The following SAMD9 variants were observed in gnomAD, a reference collection of about 807,000 sequenced individuals.
The protein encoded by SAMD9 is sterile alpha motif domain-containing protein 9.
Under a neutral mutation model 1.5 loss-of-function variants are expected in SAMD9, and 3 were observed. The observed-to-expected ratio is 2.05, with a 90% CI of 0.93 to 5.29. SAMD9 has a LOEUF of 5.29. Among genes scored for constraint, SAMD9 ranks in the 30% most tolerant of loss-of-function variants. The pLI, the probability that SAMD9 is intolerant of heterozygous loss-of-function variation, is 0.02. For synonymous variants in SAMD9, 635 were observed against 631.9 expected, an observed-to-expected ratio of 1.00 and a Z score of -0.07; for missense variants, 1,597 against 1,820.8, an observed-to-expected ratio of 0.88 and a Z score of 2.24.
Position 93,103,001 on chromosome 7 carries a change from T to C in SAMD9, c.3097A>G (p.Thr1033Ala). Residue 1033 changes from threonine to alanine, a missense_variant, in exon 3 of 3, where the codon ACA becomes GCA. Thr to Ala is a moderately conservative substitution (Grantham distance 58). This residue lies in a region of SAMD9 where 682 missense variants were observed against 810.0 expected (regional missense o/e 0.84). Coordinates refer to ENST00000379958, the MANE Select transcript of SAMD9 (RefSeq NM_017654.4). ...TCGCGGTGTCTTGTGAGTAGGAGTG[T>C]GTGCATATCTTGCAAAAATTTACTT... is the stretch of plus-strand genomic sequence containing the variant. ...GKSKFLQDMH[T>A]LLLTRHRDEH... is the part of the protein sequence containing the mutation. 6.2e-7 allele frequency: 1 copy of C among 1,613,908 alleles called. No homozygotes were observed. Among genetic ancestry groups the C allele is most frequent in the Non-Finnish European group, 8.5e-7 (1 of 1,179,816 alleles).
intron 1 of SAMD9, among the ~76,000 whole-genome samples, chr7:93,117,470 A>G (rs924404101): frequency 1.3e-5 from 2 of 151,638 alleles, no homozygotes; most frequent in African/African-American, 4.9e-5. Context: ...GAATCTTGCT[A>G]GGTAGGGTCT....
rs1489928144 is a variant in SAMD9 at position 93,103,036 on chromosome 7, C to T, written c.3062G>A (p.Gly1021Asp). ...TTGCAAAAATTTACTTTTTCCCATACCAGTATCGAAGAACAAATTCTCAGT... is the reference window on the plus strand; with the variant it reads ...TTGCAAAAATTTACTTTTTCCCATATCAGTATCGAAGAACAAATTCTCAGT... ...MLTENLFFDT[G>D]MGKSKFLQDM... The change falls in exon 3 of 3, where the codon GGT becomes GAT. Residue 1021 changes from glycine (G) to aspartate (D), a missense_variant. By Grantham distance (94) the Gly-to-Asp change is moderately conservative. This residue lies in a region of SAMD9 where 682 missense variants were observed against 810.0 expected (regional missense o/e 0.84). Coordinates refer to ENST00000379958, the MANE Select transcript of SAMD9 (RefSeq NM_017654.4). 6.2e-7 allele frequency: 1 copy of T among 1,613,806 alleles called. No homozygotes were observed.
intron 1 of SAMD9, among the ~76,000 whole-genome samples, chr7:93,116,466 C>T (rs1239335556): frequency 6.6e-6 from 1 of 152,296 alleles, no homozygotes; most frequent in Non-Finnish European, 1.5e-5. Flanking sequence ...TTTCACACTT[C>T]TTCCCCTAAA....
chr7:93,113,388 G>A lies in SAMD9; in HGVS notation c.-9+1407C>T, dbSNP rs1029853927. 2.0e-5 allele frequency among the ~76,000 whole-genome samples: 3 copies of A among 152,250 alleles called. No homozygotes were observed. The East Asian group carries it at 5.8e-4, about 29-fold the overall frequency. ...CTAGGCAATACCATTCAGGACATAGGCATGGGCAAGGACTTCATGACTAAA... is the reference window on the plus strand; with the variant it reads ...CTAGGCAATACCATTCAGGACATAGACATGGGCAAGGACTTCATGACTAAA... On this transcript the variant is annotated intron_variant, in intron 2 of 2. Coordinates refer to ENST00000379958, the MANE Select transcript of SAMD9 (RefSeq NM_017654.4).
intron 2 of SAMD9, among the ~76,000 whole-genome samples, chr7:93,109,984 C>A (rs1285498788): frequency 2.0e-5 from 3 of 152,084 alleles, no homozygotes; most frequent in African/African-American, 2.4e-5. Flanking sequence ...TCGGGGAGAG[C>A]AACTCCAAGA....
Position 93,103,101 on chromosome 7 carries a change from GC to G in SAMD9, c.2996del (p.Ser999ThrfsTer4). The G allele has an allele frequency of 6.2e-7, 1 of 1,613,738 alleles. No homozygotes were observed. The highest frequency in any genetic ancestry group is 8.5e-7 in the Non-Finnish European group (1 of 1,179,742). ...AEFSLEELKK[S>X]YHLNKSQIML... Reference sequence around the variant, plus strand: ...TAATTTGACTTTTATTCAGGTGATAGCTTTTCTTCAATTCTTCCAGTGAGAA... The same window carrying G: ...TAATTTGACTTTTATTCAGGTGATAGTTTTCTTCAATTCTTCCAGTGAGAA... On this transcript the variant is annotated frameshift_variant, in exon 3 of 3. Coordinates refer to ENST00000379958, the MANE Select transcript of SAMD9 (RefSeq NM_017654.4). LOFTEE classifies it low-confidence loss of function (END_TRUNC).
intron 2 of SAMD9, among the ~76,000 whole-genome samples, chr7:93,113,299 T>C (rs1791776832): frequency 6.6e-6 from 1 of 152,114 alleles, no homozygotes; most frequent in Non-Finnish European, 1.5e-5. Flanking sequence ...ATACAAAAAT[T>C]AATTCAAGAT....
intron 2 of SAMD9, among the ~76,000 whole-genome samples, chr7:93,106,592 A>AG (rs1791650606): frequency 6.6e-6 from 1 of 152,270 alleles, no homozygotes; most frequent in East Asian, 1.9e-4. Flanking sequence ...TATTAAGCAT[A>AG]GTTAGAAAGG....
intron 1 of SAMD9, among the ~76,000 whole-genome samples, chr7:93,116,094 C>T (rs922169598): frequency 6.6e-6 from 1 of 152,130 alleles, no homozygotes; most frequent in African/African-American, 2.4e-5. Flanking sequence ...GGCCTCATAC[C>T]TATGGCTCTC....
chr7:93,106,554 C>A (rs1055277042), intron 2 of SAMD9, among the ~76,000 whole-genome samples: 2 of 152,126 alleles, frequency 1.3e-5, no homozygotes, highest in African/African-American at 4.8e-5. Context: ...TCATGATAGA[C>A]ATAGATAAAG....
Position 93,101,989 on chromosome 7 carries a change from G to C in SAMD9, c.4109C>G (p.Thr1370Ser), listed in dbSNP as rs772607200. Reference sequence around the variant, plus strand: ...GACAGTGCATTGTTCTAAGAGAAAAGTATATTCGTTCACTATACATTTCAT... The same window carrying C: ...GACAGTGCATTGTTCTAAGAGAAAACTATATTCGTTCACTATACATTTCAT... ...STMKCIVNEY[T>S]FLLEQCTVKI... is the part of the protein sequence containing the mutation. Residue 1370 changes from threonine (T) to serine (S), a missense_variant, in exon 3 of 3, where the codon ACT becomes AGT. Around this residue, in one of 6 missense-constraint regions of SAMD9, gnomAD observed 682 missense variants for 810.0 expected, o/e 0.84. Transcript: ENST00000379958. 1 of 1,613,528 alleles carries C rather than the reference G, an allele frequency of 6.2e-7. No homozygotes were observed. The highest frequency in any genetic ancestry group is 1.7e-5 in the Admixed American group (1 of 59,988).
At position 93,105,016 on chromosome 7, in the gene SAMD9, G is replaced by T. The variant is rs1284159862; in HGVS notation, c.1082C>A (p.Ala361Glu). 3 of 1,613,696 alleles carry T rather than the reference G, an allele frequency of 1.9e-6. No individual in the cohort carries two copies. The highest frequency in any genetic ancestry group is 2.2e-5 in the South Asian group (2 of 91,044). ...CAGTGTTTTAAAATCTGCTTTAAAT[G>T]CTCTGAAATCAACTTTATTTTTCGT... ...DITKNKVDFR[A>E]FKADFKTLAE... Residue 361 changes from alanine (A) to glutamate (E), a missense_variant, in exon 3 of 3, where the codon GCA becomes GAA. Transcript: ENST00000379958.
Position 93,102,613 on chromosome 7 carries a change from G to T in SAMD9, c.3485C>A (p.Ala1162Glu). 1 of 1,613,694 alleles carries T rather than the reference G, an allele frequency of 6.2e-7. No homozygotes were observed. The highest frequency in any genetic ancestry group is 2.2e-5 in the East Asian group (1 of 44,870). Reference sequence around the variant, plus strand: ...ACTTTGCTGTTGAGATTCTTTGAATGCACTTGAGGCATGTTCTGCTAAATC... The same window carrying T: ...ACTTTGCTGTTGAGATTCTTTGAATTCACTTGAGGCATGTTCTGCTAAATC... ...LLDLAEHASS[A>E]FKESQQQSED... The change falls in exon 3 of 3, where the codon GCA (alanine) becomes GAA (glutamate). Residue 1162 changes from alanine to glutamate, a missense_variant. Physicochemically the swap from Ala to Glu is moderately radical, Grantham distance 107. This residue lies in a region of SAMD9 where 682 missense variants were observed against 810.0 expected (regional missense o/e 0.84). Coordinates refer to ENST00000379958, the MANE Select transcript of SAMD9 (RefSeq NM_017654.4).
chr7:93,099,541 A>G lies in SAMD9; in HGVS notation c.*1787T>C, dbSNP rs1791493237. 6.6e-6 allele frequency: 1 copy of G among 152,244 alleles called. No homozygotes were observed. The highest frequency in any genetic ancestry group is 6.5e-5 in the Admixed American group (1 of 15,284). The allele number at this position is 152,244 out of a possible 1,614,324, so 9.4% of individuals were successfully genotyped here. On this transcript the variant is annotated 3_prime_UTR_variant, in exon 3 of 3. Coordinates refer to ENST00000379958, the MANE Select transcript of SAMD9 (RefSeq NM_017654.4). Reference sequence around the variant, plus strand: ...AATAATATACAATTTTTATTTGTCAATTAGAAAGTAACAATAAAGAGTGAG... The same window carrying G: ...AATAATATACAATTTTTATTTGTCAGTTAGAAAGTAACAATAAAGAGTGAG...
chr7:93,114,411 C>A (rs1483694985), intron 2 of SAMD9, among the ~76,000 whole-genome samples: 3 of 152,070 alleles, frequency 2.0e-5, no homozygotes, highest in African/African-American at 4.8e-5. Flanking sequence ...AACAAAGCTG[C>A]ACGTTGTGCA....
Position 93,104,573 on chromosome 7 carries a change from C to A in SAMD9, c.1525G>T (p.Asp509Tyr), listed in dbSNP as rs1333144904. The A allele has an allele frequency of 1.9e-6, 3 of 1,613,996 alleles. No homozygotes were observed. The highest frequency in any genetic ancestry group is 2.2e-5 in the South Asian group (2 of 91,070). ...CTTTCTCTTTGCCAGGAACTTGGAT[C>A]AAAGGGTTTATATTTTTCACTGTCA... ...DLDSEKYKPFDPSSWQRERAS... is the reference protein window; with the variant it reads ...DLDSEKYKPFYPSSWQRERAS... Residue 509 changes from aspartate to tyrosine, a missense_variant, in exon 3 of 3, where the codon GAT becomes TAT. By Grantham distance (160) the Asp-to-Tyr change is radical. Coordinates refer to ENST00000379958, the MANE Select transcript of SAMD9 (RefSeq NM_017654.4).
chr7:93,113,649 A>T (rs1791784320), intron 2 of SAMD9, among the ~76,000 whole-genome samples: 1 of 152,226 alleles, frequency 6.6e-6, no homozygotes, highest in Non-Finnish European at 1.5e-5. Flanking sequence ...AGATGAACAG[A>T]CACTTCTCAA....
chr7:93,115,742 A>G lies in SAMD9; in HGVS notation c.-109-847T>C, dbSNP rs1791822696. ...AATAAAATAAAAGAGATACTTGCAT[A>G]AAAAAGATGATGGTGTGTTATGAAT... On this transcript the variant is annotated intron_variant, in intron 1 of 2. Coordinates refer to ENST00000379958, the MANE Select transcript of SAMD9 (RefSeq NM_017654.4). 1.3e-5 allele frequency among the ~76,000 whole-genome samples: 2 copies of G among 152,216 alleles called. 1 individual carries two copies. Among genetic ancestry groups the G allele is most frequent in the Non-Finnish European group, 2.9e-5 (2 of 68,038 alleles).
chr7:93,111,684 A>T (rs920015210), intron 2 of SAMD9, among the ~76,000 whole-genome samples: 2 of 152,254 alleles, frequency 1.3e-5, no homozygotes, highest in Admixed American at 1.3e-4. Flanking sequence ...AAACACCTCT[A>T]TGCAAATAAA....
Sources: gnomAD v4.1 joint callset for allele counts (sites outside exome capture counted in the v4.1 genomes callset) on GRCh38, gnomAD v4.1.1 for gene constraint, gnomAD v4.1.1 regional missense constraint, MANE v1.5 for transcripts, NCBI Gene and HGNC (gene_info 2026-07-23, HGNC 2026-07-21) for gene names.